The following NBPF4 variants were observed in gnomAD, a reference collection of about 807,000 sequenced individuals.
The protein encoded by NBPF4 is NBPF family member NBPF4.
A neutral mutation model predicts 21.1 loss-of-function variants in NBPF4; 11 were observed. That is an observed-to-expected ratio of 0.52 (90% CI 0.33 to 0.86). The LOEUF (loss-of-function observed/expected upper bound fraction) is 0.86. Among genes scored for constraint, NBPF4 ranks in the 40% least tolerant of loss-of-function variants. The pLI is 0.03. For synonymous variants in NBPF4, 47 were observed against 106.4 expected (o/e 0.44, Z 3.43); for missense variants, 88 against 265.3 (o/e 0.33, Z 4.64).
the NBPF4 span, among the ~76,000 whole-genome samples, chr1:108,256,625 CCTTT>C: frequency 1.9e-5 from 2 of 107,654 alleles, no homozygotes; most frequent in African/African-American, 3.9e-5. Flanking sequence ...TTCCTTCCTT[CCTTT>C]CCTTCCTTCC....
At chr1:108,267,838 G>GA in the NBPF4 span, among the ~76,000 whole-genome samples, 1 of 68,840 alleles carries the variant, frequency 1.5e-5, no homozygotes, top group Non-Finnish European at 2.7e-5. Context: ...ATATTAGTTT[G>GA]AAAAAATCTG....
At chr1:108,259,908 T>C in the NBPF4 span, among the ~76,000 whole-genome samples, 1 of 140,778 alleles carries the variant, frequency 7.1e-6, no homozygotes, top group African/African-American at 2.8e-5. Flanking sequence ...GACTAAAATC[T>C]GAAAATTAGA....
the NBPF4 span, among the ~76,000 whole-genome samples, chr1:108,257,657 TTC>T: frequency 2.1e-5 from 3 of 143,566 alleles, no homozygotes; most frequent in Non-Finnish European, 4.5e-5. Flanking sequence ...TTAAATATTT[TTC>T]TTTTTCATGT....
chr1:108,259,872 A>G, the NBPF4 span, among the ~76,000 whole-genome samples: 1 of 148,572 alleles, frequency 6.7e-6, no homozygotes, highest in African/African-American at 2.5e-5. Context: ...AAAATCTACA[A>G]TGGTCAATTC....
chr1:108,266,108 G>T, the NBPF4 span, among the ~76,000 whole-genome samples: 7 of 129,646 alleles, frequency 5.4e-5, no homozygotes, highest in Middle Eastern at 0.011. Context: ...ATAGAAACAT[G>T]AAAAACCCTT....
At position 108,229,135 on chromosome 1, in the gene NBPF4, G is replaced by A; in HGVS notation, c.1445C>T (p.Pro482Leu). Residue 482 changes from proline (P) to leucine (L), a missense_variant, in exon 13 of 15, where the codon CCC becomes CTC. By Grantham distance (98) the Pro-to-Leu change is moderately conservative. Around this residue, in one of 4 missense-constraint regions of NBPF4, gnomAD observed 60 missense variants for 86.5 expected, o/e 0.69. Coordinates refer to ENST00000415641, the MANE Select transcript of NBPF4 (RefSeq NM_001143989.3). ...DVASPTEAAC[P>L]QGTWSGDLSH... ...CAAGTCTCCACTCCAAGTCCCTTGG[G>A]GACAGGCCGCCTCGGTGGGGGCTGA... 2 of 1,550,892 alleles carry A rather than the reference G, an allele frequency of 1.3e-6. No homozygotes were observed. Among genetic ancestry groups the A allele is most frequent in the East Asian group, 2.4e-5 (1 of 40,878 alleles).
the NBPF4 span, among the ~76,000 whole-genome samples, chr1:108,250,588 AG>A: frequency 6.6e-6 from 1 of 151,350 alleles, no homozygotes; most frequent in Non-Finnish European, 1.5e-5. Context: ...TGTGTATGTC[AG>A]GGTAATCATA....
At chr1:108,250,316 CT>C in the NBPF4 span, among the ~76,000 whole-genome samples, 3 of 130,224 alleles carry the variant, frequency 2.3e-5, no homozygotes, top group Admixed American at 2.4e-4. Flanking sequence ...TCTTTTCAAT[CT>C]TTTCAATGTT....
At chr1:108,223,862 G>A (rs1649393517) in intron 14 of NBPF4, 116 bp from the exon 15 acceptor site, 2 of 1,162,048 alleles carry the variant, frequency 1.7e-6, no homozygotes, top group East Asian at 2.6e-5. Flanking sequence ...CTGCTGGGAG[G>A]ATGAGCTGAA....
At chr1:108,226,194 A>C (rs1266674980) in intron 14 of NBPF4, among the ~76,000 whole-genome samples, 1 of 150,102 alleles carries the variant, frequency 6.7e-6, no homozygotes, top group Non-Finnish European at 1.5e-5. Context: ...CATTCAGAGG[A>C]ACAAGTGATG....
At chr1:108,264,309 G>A in the NBPF4 span, among the ~76,000 whole-genome samples, 1 of 141,594 alleles carries the variant, frequency 7.1e-6, no homozygotes, top group African/African-American at 2.7e-5. Context: ...ATTACATAAT[G>A]GTAAATGGAT....
the NBPF4 span, among the ~76,000 whole-genome samples, chr1:108,257,829 G>A: frequency 1.0e-4 from 13 of 126,992 alleles, no homozygotes; most frequent in East Asian, 1.5e-3. Flanking sequence ...GTGAAGTGGT[G>A]TGATCACTTC....
upstream of NBPF4, among the ~76,000 whole-genome samples, chr1:108,247,428 T>C (rs1380372506): frequency 6.8e-6 from 1 of 146,592 alleles, no homozygotes; most frequent in East Asian, 2.1e-4. Context: ...GGAATGTGTT[T>C]GTTAACGACT....
At position 108,222,796 on chromosome 1, in the gene NBPF4, G is replaced by A. The variant is rs973496709; in HGVS notation, c.*909C>T. On this transcript the variant is annotated 3_prime_UTR_variant, in exon 15 of 15. Coordinates refer to ENST00000415641, the MANE Select transcript of NBPF4 (RefSeq NM_001143989.3). ...TCTGAAGAAGATCACTAGAATACAG[G>A]ATATTTATACTATTTCAAACCACTT... 6.6e-6 allele frequency among the ~76,000 whole-genome samples: 1 copy of A among 152,130 alleles called. No homozygotes were observed. The highest frequency in any genetic ancestry group is 2.4e-5 in the African/African-American group (1 of 41,418).
chr1:108,228,909 T>C lies in NBPF4; in HGVS notation c.1660+11A>G. The C allele has an allele frequency of 7.3e-7, 1 of 1,374,608 alleles. No individual in the cohort carries two copies. The highest frequency in any genetic ancestry group is 1.0e-6 in the Non-Finnish European group (1 of 989,796). The allele number at this position is 1,374,608 out of a possible 1,614,324, so 85.2% of individuals were successfully genotyped here. On this transcript the variant is annotated intron_variant, in intron 13 of 14. Transcript: ENST00000415641. ...TGGATTAGAGCTTCATGACGCCGTTTCCTTCCCTACCTTGGAAGGGCCATT... is the reference window on the plus strand; with the variant it reads ...TGGATTAGAGCTTCATGACGCCGTTCCCTTCCCTACCTTGGAAGGGCCATT...
chr1:108,252,582 A>G, the NBPF4 span, among the ~76,000 whole-genome samples: 1 of 97,188 alleles, frequency 1.0e-5, no homozygotes, highest in African/African-American at 4.6e-5. Context: ...TTTTATTACC[A>G]ATTCAATTTA....
the NBPF4 span, among the ~76,000 whole-genome samples, chr1:108,268,466 A>G: frequency 9.3e-4 from 141 of 151,986 alleles, no homozygotes; most frequent in African/African-American, 3.3e-3. Context: ...GCAATAGAAC[A>G]TTTTCCAAGA....
upstream of NBPF4, among the ~76,000 whole-genome samples, chr1:108,248,448 CTATT>C (rs556404956): frequency 8.6e-3 from 633 of 73,248 alleles, 6 homozygotes; most frequent in African/African-American, 0.038. Context: ...ATATATTTCT[CTATT>C]TAGTCTTCTT....
chr1:108,241,458 A>G (rs1380289426), intron 3 of NBPF4, among the ~76,000 whole-genome samples: 32 of 148,102 alleles, frequency 2.2e-4, no homozygotes, highest in Admixed American at 4.7e-4. Flanking sequence ...ATCCTCGCAG[A>G]TGTTCCATTC....
Sources: allele counts gnomAD v4.1 joint callset (sites outside exome capture counted in the v4.1 genomes callset), GRCh38; gene constraint gnomAD v4.1.1; regional missense constraint gnomAD v4.1.1; transcripts MANE v1.5; gene names NCBI Gene and HGNC (gene_info 2026-07-23, HGNC 2026-07-21).